COASY: variants seen among roughly 807,000 people sequenced by gnomAD.
COASY encodes the protein Coenzyme A synthase.
Under a neutral mutation model 49.4 loss-of-function variants are expected in COASY, and 31 were observed. The ratio of observed to expected loss-of-function variants is 0.63; its 90% confidence interval spans 0.47 to 0.85. COASY has a LOEUF of 0.85. Among genes scored for constraint, COASY ranks in the 40% least tolerant of loss-of-function variants. COASY has a pLI of 0.00. For synonymous variants in COASY, 285 were observed against 310.9 expected, an observed-to-expected ratio of 0.92 and a Z score of 0.88; for missense variants, 730 against 734.1, an observed-to-expected ratio of 0.99 and a Z score of 0.06.
chr17:42,566,083 G>C lies in COASY; in HGVS notation c.*115G>C. ...CAGGCCCAGAGGTCCAAGCTATACT[G>C]TGCAGGACATGGCCAGGCCTGGTGG... On this transcript the variant is annotated 3_prime_UTR_variant, in exon 9 of 9. Transcript: ENST00000393818. 1 of 1,118,826 alleles carries C rather than the reference G, an allele frequency of 8.9e-7. No individual in the cohort carries two copies. Among genetic ancestry groups the C allele is most frequent in the South Asian group, 1.3e-5 (1 of 76,578 alleles). 69.3% of individuals were successfully genotyped at this position (1,118,826 alleles called of 1,614,324 possible).
Position 42,563,115 on chromosome 17 carries a change from C to A in COASY, c.493C>A (p.Pro165Thr). The change falls in exon 1 of 9, where the codon CCC becomes ACC. Residue 165 changes from proline (P) to threonine (T), a missense_variant. By Grantham distance (38) the Pro-to-Thr change is conservative. Transcript: ENST00000393818. The stretch of plus-strand genomic sequence containing the variant: ...TGGGATAGGAGAAGTGCCCGTGGAG[C>A]CCCTGGATGTCCCCTTACCCTCCAC... Reference protein sequence around the residue: ...DYGIGEVPVEPLDVPLPSTIR... With the variant: ...DYGIGEVPVETLDVPLPSTIR... The A allele has an allele frequency of 6.2e-7, 1 of 1,613,638 alleles. No individual in the cohort carries two copies. The highest frequency in any genetic ancestry group is 1.3e-5 in the African/African-American group (1 of 75,036).
At chr17:42,563,878 C>T (rs1361050500) in intron 1 of COASY, 83 bp from the exon 2 acceptor site, 2 of 1,132,708 alleles carry the variant, frequency 1.8e-6, no homozygotes, top group South Asian at 1.4e-5. Context: ...GGATACTGTA[C>T]TTAGGGACAC....
At position 42,563,172 on chromosome 17, in the gene COASY, C is replaced by G; in HGVS notation, c.550C>G (p.Pro184Ala). 6.2e-7 allele frequency: 1 copy of G among 1,613,954 alleles called. No homozygotes were observed. ...IRPASPVAGS[P>A]KQPVRGYYRG... Reference sequence around the variant, plus strand: ...GCCAGCTTCCCCCGTGGCCGGGTCTCCAAAGCAGCCGGTGCGTGGCTACTA... The same window carrying G: ...GCCAGCTTCCCCCGTGGCCGGGTCTGCAAAGCAGCCGGTGCGTGGCTACTA... The change falls in exon 1 of 9, where the codon CCA (proline) becomes GCA (alanine). Residue 184 changes from proline to alanine, a missense_variant. Pro to Ala is a conservative substitution (Grantham distance 27). Coordinates refer to ENST00000393818, the MANE Select transcript of COASY (RefSeq NM_025233.7).
rs199623481 is a variant in COASY, at chr17:42,565,701, G to T, written c.1528G>T (p.Ala510Ser). 2 of 1,613,896 alleles carry T rather than the reference G, an allele frequency of 1.2e-6. No individual in the cohort carries two copies. The highest frequency in any genetic ancestry group is 1.7e-6 in the Non-Finnish European group (2 of 1,180,048). ...IVERDGLSEA[A>S]AQSRLQSQMS... Reference sequence around the variant, plus strand: ...GGAGAGGGATGGCCTCAGTGAAGCCGCGGCTCAAAGCCGGCTGCAGAGCCA... The same window carrying T: ...GGAGAGGGATGGCCTCAGTGAAGCCTCGGCTCAAAGCCGGCTGCAGAGCCA... The change falls in exon 8 of 9, where the codon GCG becomes TCG. Residue 510 changes from alanine (A) to serine (S), a missense_variant. Physicochemically the swap from Ala to Ser is moderately conservative, Grantham distance 99. Coordinates refer to ENST00000393818, the MANE Select transcript of COASY (RefSeq NM_025233.7).
chr17:42,563,810 C>A, intron 1 of COASY, 151 bp from the exon 2 acceptor site: 1 of 617,240 alleles, frequency 1.6e-6, no homozygotes. Context: ...CACCTTCATG[C>A]TCCCCTCACC....
rs779780364 is a variant in COASY, at chr17:42,562,867, A to G, written c.245A>G (p.Asp82Gly). The G allele has an allele frequency of 5.0e-6, 8 of 1,613,218 alleles. No homozygotes were observed. In the East Asian group the frequency reaches 1.8e-4, roughly 36 times the overall value. The change falls in exon 1 of 9, where the codon GAC becomes GGC. Residue 82 changes from aspartate (D) to glycine (G), a missense_variant. Physicochemically the swap from Asp to Gly is moderately conservative, Grantham distance 94. Coordinates refer to ENST00000393818, the MANE Select transcript of COASY (RefSeq NM_025233.7). ...YAGADVHRHL[D>G]VRILLTNIRT... ...GGCGCCGACGTCCACAGGCACTTGG[A>G]CGTCAGAATCCTACTGACCAATATC...
Position 42,564,156 on chromosome 17 carries a change from A to G in COASY, c.896A>G (p.Asn299Ser). 1 of 1,613,868 alleles carries G rather than the reference A, an allele frequency of 6.2e-7. No individual in the cohort carries two copies. Reference protein sequence around the residue: ...EETYRGGMAINRFRLENDLEE... With the variant: ...EETYRGGMAISRFRLENDLEE... The stretch of plus-strand genomic sequence containing the variant: ...ACCTATCGTGGGGGGATGGCCATCA[A>G]CCGCTTCCGCCTTGAGAATGTAACC... The change falls in exon 2 of 9, where the codon AAC becomes AGC. Residue 299 changes from asparagine to serine, a missense_variant. Coordinates refer to ENST00000393818, the MANE Select transcript of COASY (RefSeq NM_025233.7).
At chr17:42,565,151 G>C in intron 5 of COASY, 76 bp from the exon 6 acceptor site, 1 of 1,590,860 alleles carries the variant, frequency 6.3e-7, no homozygotes, top group South Asian at 1.1e-5. Flanking sequence ...CCATTGATCT[G>C]TTCCCAACAC....
rs1009358418 is a variant in COASY at position 42,563,428 on chromosome 17, C to A, written c.700+106C>A. 7.4e-5 allele frequency: 81 copies of A among 1,101,582 alleles called. No individual in the cohort carries two copies. The South Asian group carries it at 8.1e-4, about 11-fold the overall frequency. The allele number at this position is 1,101,582 out of a possible 1,614,324, so 68.2% of individuals were successfully genotyped here. ...GGTAGGGCCATTCATTACTTCCCAC[C>A]CTTCCCAAATGTCACAGTGGTTGAC... On this transcript the variant is annotated intron_variant, in intron 1 of 8. Coordinates refer to ENST00000393818, the MANE Select transcript of COASY (RefSeq NM_025233.7).
At position 42,563,016 on chromosome 17, in the gene COASY, C is replaced by T. The variant is rs1567903711; in HGVS notation, c.394C>T (p.Gln132Ter). 1.2e-5 allele frequency: 19 copies of T among 1,614,178 alleles called. No homozygotes were observed. Among genetic ancestry groups the T allele is most frequent in the Non-Finnish European group, 1.5e-5 (18 of 1,180,040 alleles). The change falls in exon 1 of 9, where the codon CAG becomes TAG. Residue 132 changes from glutamine to a stop codon, truncating the protein, a stop_gained. Transcript: ENST00000393818. LOFTEE classifies it high-confidence loss of function. ...DGSQYNPVKQ[Q>*]LVRYATSCYS... ...AAGCCAGTACAACCCGGTCAAACAG[C>T]AGCTAGTGCGTTACGCCACCAGCTG...
Position 42,565,459 on chromosome 17 carries a change from G to A in COASY, c.1388-12G>A, listed in dbSNP as rs1323592323. ...GTCGGCACTGCTGGCGGTGACTGGG[G>A]TCTCCCCACAGGAAAGCGTGTGTGT... is the stretch of plus-strand genomic sequence containing the variant. On this transcript the variant is annotated splice_polypyrimidine_tract_variant and intron_variant, in intron 6 of 8. Transcript: ENST00000393818. 6.2e-7 allele frequency: 1 copy of A among 1,613,994 alleles called. No homozygotes were observed. Among genetic ancestry groups the A allele is most frequent in the East Asian group, 2.2e-5 (1 of 44,894 alleles).
At position 42,563,300 on chromosome 17, in the gene COASY, A is replaced by C; in HGVS notation, c.678A>C (p.Val226=). The stretch of plus-strand genomic sequence containing the variant: ...CCCAGGAGCAGCTTGTGGTGGGAGT[A>C]GCAGACAAAGATCTGTTGAAGAGTG... ...ILAQEQLVVG[V]ADKDLLKSKL... is the part of the protein sequence containing the mutation. Residue 226 remains valine (V), a synonymous_variant, in exon 1 of 9, where the codon GTA becomes GTC. Coordinates refer to ENST00000393818, the MANE Select transcript of COASY (RefSeq NM_025233.7). 1 of 1,597,978 alleles carries C rather than the reference A, an allele frequency of 6.3e-7. No homozygotes were observed.
rs1390404287 is a variant in COASY at position 42,563,292 on chromosome 17, G to T, written c.670G>T (p.Val224Leu). The change falls in exon 1 of 9, where the codon GTG (valine) becomes TTG (leucine). Residue 224 changes from valine (V) to leucine (L), a missense_variant. Physicochemically the swap from Val to Leu is conservative, Grantham distance 32. Coordinates refer to ENST00000393818, the MANE Select transcript of COASY (RefSeq NM_025233.7). The stretch of plus-strand genomic sequence containing the variant: ...CATCCTGGCCCAGGAGCAGCTTGTG[G>T]TGGGAGTAGCAGACAAAGATCTGTT... ...ACILAQEQLV[V>L]GVADKDLLKS... 5 of 1,601,694 alleles carry T rather than the reference G, an allele frequency of 3.1e-6. No individual in the cohort carries two copies. Among genetic ancestry groups the T allele is most frequent in the Non-Finnish European group, 4.3e-6 (5 of 1,176,324 alleles).
chr17:42,562,478 G>T lies in COASY; in HGVS notation c.-145G>T. 1 of 1,613,612 alleles carries T rather than the reference G, an allele frequency of 6.2e-7. No homozygotes were observed. On this transcript the variant is annotated 5_prime_UTR_variant, in exon 1 of 9. Transcript: ENST00000393818. ...CTACCAGGCCCCGTCCCCTCCCCCG[G>T]CTCCTGTCGGTCAGCACTGAAACCC...
At position 42,562,277 on chromosome 17, in the gene COASY, C is replaced by T; in HGVS notation, c.-346C>T. The T allele has an allele frequency of 2.7e-6, 2 of 748,000 alleles. No homozygotes were observed. Among genetic ancestry groups the T allele is most frequent in the South Asian group, 3.4e-5 (2 of 59,306 alleles). 46.3% of individuals were successfully genotyped at this position (748,000 alleles called of 1,614,324 possible). A position where few individuals can be genotyped will look rare whatever the true frequency, so the allele number is the denominator to read the frequency against. ...CCCCTTTAGCCTCCCTCTTCGATTC[C>T]TTGAAGACCCTGGTGCAGCTTAGCA... On this transcript the variant is annotated 5_prime_UTR_variant, in exon 1 of 9. Transcript: ENST00000393818.
Position 42,562,525 on chromosome 17 carries a change from T to C in COASY, c.-98T>C. 2 of 1,611,864 alleles carry C rather than the reference T, an allele frequency of 1.2e-6. No individual in the cohort carries two copies. The highest frequency in any genetic ancestry group is 2.2e-5 in the East Asian group (1 of 44,868). On this transcript the variant is annotated 5_prime_UTR_variant, in exon 1 of 9. Transcript: ENST00000393818. ...ACCCCGTCCCTGCTCCAGGCCTCCT[T>C]CTCTGGGGTCCAAGGTCCCATACAG... is the stretch of plus-strand genomic sequence containing the variant.
Position 42,565,936 on chromosome 17 carries a change from C to T in COASY, c.1663C>T (p.Arg555Cys), listed in dbSNP as rs760399173. 1.4e-5 allele frequency: 23 copies of T among 1,613,774 alleles called. No individual in the cohort carries two copies. Among genetic ancestry groups the T allele is most frequent in the Non-Finnish European group, 1.9e-5 (23 of 1,180,036 alleles). The change falls in exon 9 of 9, where the codon CGC becomes TGC. Residue 555 changes from arginine (R) to cysteine (C), a missense_variant. By Grantham distance (180) the Arg-to-Cys change is radical (BLOSUM62 -3). Transcript: ENST00000393818. Reference sequence around the variant, plus strand: ...GAAAGCCTGGGCCCTCTTGCAGAAGCGCATTCCCAAGACTCATCAGGCCCT... The same window carrying T: ...GAAAGCCTGGGCCCTCTTGCAGAAGTGCATTCCCAAGACTCATCAGGCCCT... ...VEKAWALLQK[R>C]IPKTHQALD is the part of the protein sequence containing the mutation.
chr17:42,565,713 C>T lies in COASY; in HGVS notation c.1540C>T (p.Arg514Trp), dbSNP rs201779417. Residue 514 changes from arginine (R) to tryptophan (W), a missense_variant, in exon 8 of 9, where the codon CGG becomes TGG. Transcript: ENST00000393818. Reference protein sequence around the residue: ...DGLSEAAAQSRLQSQMSGQQL... With the variant: ...DGLSEAAAQSWLQSQMSGQQL... ...CCTCAGTGAAGCCGCGGCTCAAAGC[C>T]GGCTGCAGAGCCAGATGAGCGGGCA... The T allele has an allele frequency of 1.2e-5, 20 of 1,614,002 alleles. No individual in the cohort carries two copies. The highest frequency in any genetic ancestry group is 6.7e-5 in the Admixed American group (4 of 60,026).
chr17:42,563,389 C>T (rs775768555), intron 1 of COASY, 67 bp downstream of exon 1: 27 of 1,411,988 alleles, frequency 1.9e-5, no homozygotes, highest in African/African-American at 2.9e-5. Flanking sequence ...ACCCTTATGC[C>T]GAGATCAAGG....
Sources: allele counts gnomAD v4.1 joint callset, GRCh38; gene constraint gnomAD v4.1.1; transcripts MANE v1.5; gene names NCBI Gene and HGNC (gene_info 2026-07-23, HGNC 2026-07-21).